Variants in CHLSN observed in about 807,000 individuals in gnomAD.
CHLSN encodes the protein protein cholesin.
At chr7:1,121,490 C>T in the CHLSN span, among the ~76,000 whole-genome samples, 1 of 152,226 alleles carries the variant, frequency 6.6e-6, no homozygotes, top group Admixed American at 6.5e-5. Context: ...TTCACGGCCT[C>T]ATTTGATGGT....
chr7:1,057,776 C>T, the CHLSN span: 4 of 775,734 alleles, frequency 5.2e-6, no homozygotes, highest in South Asian at 1.3e-5. Flanking sequence ...TGCTCGGCCC[C>T]CCGAGCTCCC....
At chr7:1,113,470 C>T in the CHLSN span, among the ~76,000 whole-genome samples, 5 of 152,142 alleles carry the variant, frequency 3.3e-5, no homozygotes, top group Admixed American at 6.5e-5. Context: ...GGCAGGGGCA[C>T]GGACTTGCTT....
chr7:1,070,773 ACG>A, the CHLSN span, among the ~76,000 whole-genome samples: 1 of 148,550 alleles, frequency 6.7e-6, no homozygotes, highest in Middle Eastern at 3.6e-3. Context: ...ACACATGCAC[ACG>A]CACGCACACG....
At chr7:1,094,685 T>A in the CHLSN span, among the ~76,000 whole-genome samples, 1 of 151,688 alleles carries the variant, frequency 6.6e-6, no homozygotes, top group African/African-American at 2.4e-5. Flanking sequence ...CAGGAAACTC[T>A]CTCTCCTCCT....
the CHLSN span, among the ~76,000 whole-genome samples, chr7:987,894 G>A: frequency 1.3e-5 from 2 of 148,534 alleles, no homozygotes; most frequent in East Asian, 2.0e-4. Context: ...GTGTCCTGAG[G>A]GGTCCCCTCT....
At chr7:1,024,193 C>T in the CHLSN span, among the ~76,000 whole-genome samples, 6 of 152,178 alleles carry the variant, frequency 3.9e-5, no homozygotes, top group Admixed American at 3.9e-4. Flanking sequence ...CGGTGCACAG[C>T]CCCCACTTTC....
the CHLSN span, among the ~76,000 whole-genome samples, chr7:1,016,175 A>G: frequency 0.011 from 957 of 88,980 alleles, 120 homozygotes; most frequent in African/African-American, 0.029. Context: ...AGCAGCACAC[A>G]GCAGCACACG....
the CHLSN span, chr7:1,055,313 G>T: frequency 2.1e-6 from 1 of 471,168 alleles, no homozygotes; most frequent in South Asian, 1.5e-5. Context: ...GCCCTCACAC[G>T]CACGCGCAGG....
the CHLSN span, among the ~76,000 whole-genome samples, chr7:1,112,529 G>A: frequency 2.0e-5 from 3 of 151,990 alleles, no homozygotes; most frequent in Non-Finnish European, 4.4e-5. Flanking sequence ...ACCGTGGATG[G>A]CCCCACATGA....
the CHLSN span, among the ~76,000 whole-genome samples, chr7:1,031,345 G>A: frequency 6.6e-6 from 1 of 152,098 alleles, no homozygotes; most frequent in Non-Finnish European, 1.5e-5. Flanking sequence ...CACCACAGGC[G>A]GCTCCTGGGC....
At chr7:985,641 G>GC in the CHLSN span, among the ~76,000 whole-genome samples, 1 of 152,092 alleles carries the variant, frequency 6.6e-6, no homozygotes, top group African/African-American at 2.4e-5. Context: ...CTCCATGTCT[G>GC]CCCCCCAAGC....
the CHLSN span, among the ~76,000 whole-genome samples, chr7:996,036 C>T: frequency 3.3e-5 from 5 of 152,350 alleles, no homozygotes; most frequent in South Asian, 8.3e-4. Context: ...GCCAGACCTG[C>T]CCAGACCACA....
the CHLSN span, among the ~76,000 whole-genome samples, chr7:1,112,485 C>T: frequency 6.6e-6 from 1 of 152,216 alleles, no homozygotes; most frequent in African/African-American, 2.4e-5. Context: ...GTGCCCCACA[C>T]AGACAGGGTG....
chr7:1,103,743 G>A, the CHLSN span, among the ~76,000 whole-genome samples: 1 of 152,184 alleles, frequency 6.6e-6, no homozygotes, highest in Admixed American at 6.5e-5. Flanking sequence ...TCCGTCTCCC[G>A]TGTACTCTCA....
chr7:1,041,990 C>T, the CHLSN span, among the ~76,000 whole-genome samples: 5 of 152,206 alleles, frequency 3.3e-5, no homozygotes, highest in African/African-American at 1.2e-4. Flanking sequence ...CCAACATCTC[C>T]GTGAGACACG....
the CHLSN span, among the ~76,000 whole-genome samples, chr7:1,136,978 C>T: frequency 5.3e-5 from 8 of 152,162 alleles, no homozygotes; most frequent in East Asian, 1.5e-3. Context: ...CAGTCCAAGC[C>T]ACCACCTCTC....
the CHLSN span, among the ~76,000 whole-genome samples, chr7:1,064,264 G>T: frequency 2.6e-5 from 4 of 152,192 alleles, no homozygotes; most frequent in African/African-American, 9.7e-5. Context: ...GGGCTGTGAC[G>T]TGAAGATGGG....
chr7:1,119,474 G>A, the CHLSN span, among the ~76,000 whole-genome samples: 1 of 152,196 alleles, frequency 6.6e-6, no homozygotes, highest in Non-Finnish European at 1.5e-5. Context: ...GAAAGTGAAA[G>A]AGAAGCCACA....
At chr7:1,009,324 G>A in the CHLSN span, among the ~76,000 whole-genome samples, 1 of 152,210 alleles carries the variant, frequency 6.6e-6, no homozygotes, top group Non-Finnish European at 1.5e-5. Flanking sequence ...GGTGCAGTCA[G>A]CACTCAGGGA....
Sources: gnomAD v4.1 joint callset for allele counts (sites outside exome capture counted in the v4.1 genomes callset) on GRCh38, gnomAD v4.1.1 for gene constraint, MANE v1.5 for transcripts, NCBI Gene and HGNC (gene_info 2026-07-23, HGNC 2026-07-21) for gene names.